NEGR1: variants seen among roughly 807,000 people sequenced by gnomAD.
NEGR1 encodes the protein neuronal growth regulator 1, also known as IgLON family member 4.
In NEGR1, 10 loss-of-function variants were observed where a neutral mutation model predicts 40.9. The observed-to-expected ratio is 0.24, with a 90% CI of 0.15 to 0.42. The LOEUF is 0.42. NEGR1 is among the 10% of genes least tolerant of loss of function. The probability of loss-of-function intolerance (pLI) is 1.00; values close to 1 mark genes in which losing one functional copy is unlikely to be tolerated. For missense variants in NEGR1, 352 were observed against 438.9 expected, an observed-to-expected ratio of 0.80 and a Z score of 1.77; for synonymous variants, 185 against 166.8, an observed-to-expected ratio of 1.11 and a Z score of -0.84.
intron 6 of NEGR1, among the ~76,000 whole-genome samples, chr1:71,578,767 T>C (rs1230831666): frequency 6.6e-6 from 1 of 152,092 alleles, no homozygotes; most frequent in Non-Finnish European, 1.5e-5. Flanking sequence ...TAGAAAAAGG[T>C]TAAATATTTC....
intron 6 of NEGR1, chr1:71,421,587 G>A (rs1646394395): frequency 6.6e-6 from 1 of 151,984 alleles, no homozygotes; most frequent in Non-Finnish European, 1.5e-5. Flanking sequence ...TTAAATACAT[G>A]TGTTCTAACA....
rs1329979300 is a variant in NEGR1 at position 72,248,574 on chromosome 1, A to ATTT, written c.176+33742_176+33744dup. ...CGCCCAGCCTGAGACTTCTATTTTT[A>ATTT]TTTATTATTATTATTATTATTATTA... On this transcript the variant is annotated intron_variant, in intron 1 of 6. Coordinates refer to ENST00000357731, the MANE Select transcript of NEGR1 (RefSeq NM_173808.3). Among the ~76,000 whole-genome samples the ATTT allele has an allele frequency of 8.7e-4, 71 of 81,664 alleles. 1 individual carries two copies. The highest frequency in any genetic ancestry group is 6.1e-3 in the Middle Eastern group (1 of 164). The allele number at this position is 81,664 out of a possible 152,430, so 53.6% of individuals were successfully genotyped here.
chr1:71,984,818 T>C (rs1646381473), intron 1 of NEGR1, among the ~76,000 whole-genome samples: 1 of 152,146 alleles, frequency 6.6e-6, no homozygotes, highest in African/African-American at 2.4e-5. Context: ...TCTAGGTCTG[T>C]CTTTACTTAT....
intron 1 of NEGR1, among the ~76,000 whole-genome samples, chr1:72,115,754 A>T (rs1206068420): frequency 6.6e-6 from 1 of 151,640 alleles, no homozygotes; most frequent in Non-Finnish European, 1.5e-5. Context: ...CAAGCATGGG[A>T]CACCCATTAA....
At chr1:72,065,597 A>C (rs889231764) in intron 1 of NEGR1, among the ~76,000 whole-genome samples, 2 of 152,152 alleles carry the variant, frequency 1.3e-5, no homozygotes, top group African/African-American at 4.8e-5. Context: ...AGCAATGGTA[A>C]TTGGGACAAG....
At position 71,713,521 on chromosome 1, in the gene NEGR1, A is replaced by T. The variant is rs190411126; in HGVS notation, c.536-15382T>A. On this transcript the variant is annotated intron_variant, in intron 3 of 6. Transcript: ENST00000357731. ...ATAGATCAGGATATCATAAATAAGA[A>T]TATAAAGACACAGATATTTGGAAAA... is the stretch of plus-strand genomic sequence containing the variant. Among the ~76,000 whole-genome samples, 317 of 152,368 alleles carry T rather than the reference A, an allele frequency of 2.1e-3. 2 individuals carry two copies. The highest frequency in any genetic ancestry group is 7.2e-3 in the African/African-American group (300 of 41,584).
At chr1:72,198,741 G>A (rs992831247) in intron 1 of NEGR1, among the ~76,000 whole-genome samples, 3 of 151,730 alleles carry the variant, frequency 2.0e-5, no homozygotes, top group South Asian at 2.1e-4. Context: ...GAGAAATTGC[G>A]GGTCAGCAAG....
intron 1 of NEGR1, among the ~76,000 whole-genome samples, chr1:72,034,155 G>A (rs955251904): frequency 6.6e-6 from 1 of 152,010 alleles, no homozygotes; most frequent in Admixed American, 6.6e-5. Flanking sequence ...TTTTTTGGTT[G>A]CTTTTTATAT....
chr1:72,267,532 T>C (rs1040758109), intron 1 of NEGR1, among the ~76,000 whole-genome samples: 1 of 151,288 alleles, frequency 6.6e-6, no homozygotes, highest in Non-Finnish European at 1.5e-5. Flanking sequence ...AATATTAAGA[T>C]AATTTTTGAA....
intron 1 of NEGR1, among the ~76,000 whole-genome samples, chr1:72,066,659 C>G (rs1340434171): frequency 6.6e-6 from 1 of 152,026 alleles, no homozygotes; most frequent in African/African-American, 2.4e-5. Context: ...AGAGAAAAGG[C>G]CCTGTGAGGA....
intron 4 of NEGR1, among the ~76,000 whole-genome samples, chr1:71,637,068 A>G (rs1209982292): frequency 2.0e-5 from 3 of 152,068 alleles, no homozygotes; most frequent in Admixed American, 6.6e-5. Flanking sequence ...GTTTTAAGGT[A>G]GAGAGCAAAA....
At chr1:71,459,131 C>A (rs1216756680) in intron 6 of NEGR1, among the ~76,000 whole-genome samples, 4 of 152,080 alleles carry the variant, frequency 2.6e-5, no homozygotes, top group Non-Finnish European at 1.5e-5. Flanking sequence ...TAAGTTCTCC[C>A]CTACCATCTT....
At chr1:71,410,416 C>CTT (rs1237164372) in intron 6 of NEGR1, among the ~76,000 whole-genome samples, 1 of 151,922 alleles carries the variant, frequency 6.6e-6, no homozygotes, top group African/African-American at 2.4e-5. Flanking sequence ...CTCACATAGG[C>CTT]AAAGATGAAT....
At chr1:71,605,820 T>A (rs933676691) in intron 5 of NEGR1, among the ~76,000 whole-genome samples, 1 of 152,230 alleles carries the variant, frequency 6.6e-6, no homozygotes, top group African/African-American at 2.4e-5. Flanking sequence ...GAAACTATCA[T>A]GTTAAAAAAT....
chr1:71,913,176 C>T (rs936567154), intron 2 of NEGR1, among the ~76,000 whole-genome samples: 9 of 152,028 alleles, frequency 5.9e-5, no homozygotes, highest in South Asian at 4.2e-4. Flanking sequence ...AGTGCAGTGG[C>T]GCGATCTCAG....
chr1:71,744,284 C>CACATATATAT (rs371234654), intron 3 of NEGR1, among the ~76,000 whole-genome samples: 1 of 137,182 alleles, frequency 7.3e-6, no homozygotes, highest in Non-Finnish European at 1.5e-5. Context: ...TGACAAATAA[C>CACATATATAT]ATATATATAT....
intron 3 of NEGR1, among the ~76,000 whole-genome samples, chr1:71,729,715 A>G (rs1654790201): frequency 6.6e-6 from 1 of 152,016 alleles, no homozygotes. Context: ...GCTCACTGAA[A>G]ACTCCGACTC....
chr1:72,015,601 T>C (rs1474778491), intron 1 of NEGR1, among the ~76,000 whole-genome samples: 2 of 152,048 alleles, frequency 1.3e-5, no homozygotes, highest in Non-Finnish European at 2.9e-5. Flanking sequence ...GCCCAGGAAG[T>C]TGAGGCTGTA....
chr1:71,995,187 A>G (rs1182080655), intron 1 of NEGR1, among the ~76,000 whole-genome samples: 1 of 152,108 alleles, frequency 6.6e-6, no homozygotes, highest in East Asian at 1.9e-4. Flanking sequence ...AGGATTTGAG[A>G]GCTGGCATTT....
Sources: gnomAD v4.1 joint callset for allele counts (sites outside exome capture counted in the v4.1 genomes callset) on GRCh38, gnomAD v4.1.1 for gene constraint, MANE v1.5 for transcripts, NCBI Gene and HGNC (gene_info 2026-07-23, HGNC 2026-07-21) for gene names.